PCSK6: variants seen among roughly 807,000 people sequenced by gnomAD.
The protein encoded by PCSK6 is paired basic amino acid cleaving enzyme 4.
Under a neutral mutation model 123.3 loss-of-function variants are expected in PCSK6, and 85 were observed. The ratio of observed to expected loss-of-function variants is 0.69; its 90% confidence interval spans 0.58 to 0.83. PCSK6 has a LOEUF of 0.83. PCSK6 is among the 40% of genes least tolerant of loss of function. The probability of loss-of-function intolerance (pLI) is 0.00; values close to 1 mark genes in which losing one functional copy is unlikely to be tolerated. For missense variants in PCSK6, 1,191 were observed against 1,282.3 expected, an observed-to-expected ratio of 0.93 and a Z score of 1.09; for synonymous variants, 508 against 516.0, an observed-to-expected ratio of 0.98 and a Z score of 0.21.
chr15:101,482,120 G>T (rs573943992), intron 1 of PCSK6, among the ~76,000 whole-genome samples: 2 of 152,384 alleles, frequency 1.3e-5, no homozygotes, highest in African/African-American at 4.8e-5. Context: ...TCTGTCTGAT[G>T]ATTTACCTTT....
chr15:101,476,879 T>C (rs554994300), intron 1 of PCSK6, among the ~76,000 whole-genome samples: 1 of 152,316 alleles, frequency 6.6e-6, no homozygotes, highest in Admixed American at 6.5e-5. Context: ...TGTTACCAAG[T>C]GTGGACCCTC....
chr15:101,432,396 G>A (rs1024705687), intron 2 of PCSK6, among the ~76,000 whole-genome samples: 7 of 146,390 alleles, frequency 4.8e-5, no homozygotes, highest in African/African-American at 1.8e-4. Flanking sequence ...GCCGAGGCAG[G>A]AAGATCGCCT....
intron 1 of PCSK6, among the ~76,000 whole-genome samples, chr15:101,450,231 T>A (rs987837562): frequency 1.3e-5 from 2 of 149,504 alleles, no homozygotes; most frequent in African/African-American, 5.0e-5. Context: ...GCACTGACAC[T>A]CCCACCCTGA....
chr15:101,403,935 G>A (rs1436424731), intron 6 of PCSK6, among the ~76,000 whole-genome samples: 2 of 152,170 alleles, frequency 1.3e-5, no homozygotes, highest in African/African-American at 4.8e-5. Flanking sequence ...TGGCCAGGCT[G>A]GTCTTGAACT....
intron 12 of PCSK6, among the ~76,000 whole-genome samples, chr15:101,369,816 C>T (rs1277083154): frequency 6.6e-6 from 1 of 152,192 alleles, no homozygotes; most frequent in Non-Finnish European, 1.5e-5. Flanking sequence ...CAGAGAGCAG[C>T]CTGGGAGCAC....
intron 6 of PCSK6, among the ~76,000 whole-genome samples, chr15:101,399,120 C>T (rs1031677590): frequency 6.6e-5 from 10 of 152,142 alleles, no homozygotes; most frequent in African/African-American, 1.9e-4. Context: ...AGGCTGGTCT[C>T]GAACTCCTGA....
intron 12 of PCSK6, 104 bp from the exon 13 acceptor site, chr15:101,366,436 G>A (rs931403408): frequency 1.4e-5 from 17 of 1,221,262 alleles, no homozygotes; most frequent in Non-Finnish European, 1.7e-5. Context: ...TGACCTGGCT[G>A]GACCGTACCC....
intron 13 of PCSK6, among the ~76,000 whole-genome samples, chr15:101,356,209 C>T (rs1042084865): frequency 2.6e-5 from 4 of 152,184 alleles, no homozygotes; most frequent in African/African-American, 7.2e-5. Flanking sequence ...CTGCCTGCAC[C>T]GTTGCCAGCT....
chr15:101,383,486 G>A (rs2041967566), intron 10 of PCSK6, among the ~76,000 whole-genome samples: 1 of 151,610 alleles, frequency 6.6e-6, no homozygotes, highest in Non-Finnish European at 1.5e-5. Flanking sequence ...TGCTTCAAAG[G>A]CCGCCAACAG....
chr15:101,346,633 G>T, intron 13 of PCSK6: 1 of 554,946 alleles, frequency 1.8e-6, no homozygotes, highest in Non-Finnish European at 2.7e-6. Context: ...AACCATGCAG[G>T]CAACAGGAAT....
intron 9 of PCSK6, among the ~76,000 whole-genome samples, chr15:101,386,941 A>G (rs998627128): frequency 1.3e-5 from 2 of 151,912 alleles, no homozygotes; most frequent in African/African-American, 4.8e-5. Flanking sequence ...GCACACTCCC[A>G]CCCTCGGCCC....
At chr15:101,425,977 G>A (rs1025365338) in intron 6 of PCSK6, among the ~76,000 whole-genome samples, 6 of 152,116 alleles carry the variant, frequency 3.9e-5, no homozygotes, top group East Asian at 1.9e-4. Context: ...AATCCCCTGC[G>A]ATCTTGTTAT....
chr15:101,432,263 A>C (rs1596327234), intron 2 of PCSK6, among the ~76,000 whole-genome samples, 163 bp from the exon 3 acceptor site: 1 of 152,248 alleles, frequency 6.6e-6, no homozygotes, highest in East Asian at 1.9e-4. Context: ...AAGTGACTAC[A>C]TTTGAAAGAT....
chr15:101,458,327 C>T (rs748482260), intron 1 of PCSK6, among the ~76,000 whole-genome samples: 2 of 152,162 alleles, frequency 1.3e-5, no homozygotes, highest in Non-Finnish European at 2.9e-5. Flanking sequence ...CAGCAGACAG[C>T]GCACATGTTG....
At chr15:101,418,086 G>A (rs28701864) in intron 6 of PCSK6, among the ~76,000 whole-genome samples, 37,734 of 151,936 alleles carry the variant, frequency 0.25, 4,935 homozygotes, top group East Asian at 0.38. Flanking sequence ...ATATGATATT[G>A]AATTTATGTC....
intron 6 of PCSK6, among the ~76,000 whole-genome samples, chr15:101,407,168 G>T (rs1044079735): frequency 1.3e-5 from 2 of 152,196 alleles, no homozygotes; most frequent in African/African-American, 4.8e-5. Context: ...GACAGCTGGG[G>T]TCAGAGAGTC....
At chr15:101,404,033 A>G (rs1381544248) in intron 6 of PCSK6, among the ~76,000 whole-genome samples, 1 of 152,238 alleles carries the variant, frequency 6.6e-6, no homozygotes, top group East Asian at 1.9e-4. Flanking sequence ...CTTAAGTGAT[A>G]CATTGTTTAA....
intron 6 of PCSK6, among the ~76,000 whole-genome samples, chr15:101,413,814 G>A (rs4965850): frequency 0.31 from 47,601 of 151,742 alleles, 8,065 homozygotes; most frequent in African/African-American, 0.45. Flanking sequence ...TTAAATATGT[G>A]AAATGTCATT....
intron 7 of PCSK6, among the ~76,000 whole-genome samples, chr15:101,396,366 AC>A (rs2042413047): frequency 1.3e-5 from 2 of 152,080 alleles, no homozygotes; most frequent in African/African-American, 4.8e-5. Context: ...TCACTGCCAA[AC>A]AACCAGGACC....
Sources: gnomAD v4.1 joint callset for allele counts (sites outside exome capture counted in the v4.1 genomes callset) on GRCh38, gnomAD v4.1.1 for gene constraint, MANE v1.5 for transcripts, NCBI Gene and HGNC (gene_info 2026-07-23, HGNC 2026-07-21) for gene names.